SLC16A12: variants seen among roughly 807,000 people sequenced by gnomAD.
SLC16A12 encodes the protein solute carrier family 16 member 12.
A neutral mutation model predicts 42.4 loss-of-function variants in SLC16A12; 17 were observed. That is an observed-to-expected ratio of 0.40 (90% CI 0.27 to 0.60). The LOEUF is 0.60. Ranked by LOEUF, SLC16A12 falls within the 20% of genes least tolerant of loss-of-function variation. SLC16A12 has a pLI of 0.42. For synonymous variants in SLC16A12, 224 were observed against 229.4 expected (o/e 0.98, Z 0.21); for missense variants, 544 against 623.0 (o/e 0.87, Z 1.35).
chr10:89,471,000 AC>A (rs1842485672), intron 2 of SLC16A12, among the ~76,000 whole-genome samples: 2 of 152,176 alleles, frequency 1.3e-5, no homozygotes, highest in South Asian at 2.1e-4. Flanking sequence ...GAGAGAAACA[AC>A]CCTAATAATC....
chr10:89,521,212 A>T (rs1295311808), intron 2 of SLC16A12, among the ~76,000 whole-genome samples: 1 of 152,170 alleles, frequency 6.6e-6, no homozygotes, highest in African/African-American at 2.4e-5. Context: ...TCTGTCATAG[A>T]CATTGTAGCT....
In SLC16A12 at chr10:89,430,609, T is replaced by C. The variant is rs1039334073; in HGVS notation, c.*2455A>G. 2.6e-5 allele frequency: 12 copies of C among 460,318 alleles called. No individual in the cohort carries two copies. The highest frequency in any genetic ancestry group is 1.8e-4 in the African/African-American group (9 of 49,426). 28.5% of individuals were successfully genotyped at this position (460,318 alleles called of 1,614,324 possible). A position where few individuals can be genotyped will look rare whatever the true frequency, so the allele number is the denominator to read the frequency against. On this transcript the variant is annotated 3_prime_UTR_variant, in exon 8 of 8. Coordinates refer to ENST00000371790, the MANE Select transcript of SLC16A12 (RefSeq NM_213606.4). ...GACACATGGAACATTAACACTAAAA[T>C]TCTGTGTAGAAATGTAAAATAGTAG... is the stretch of plus-strand genomic sequence containing the variant.
chr10:89,438,957 C>G lies in SLC16A12; in HGVS notation c.675G>C (p.Arg225Ser), dbSNP rs1356731765. ...TGTGGTCCTCTTTAAGAGTAATTGG[C>G]CTCATCAAGGCACCACATACACAGA... ...LNLCVCGALM[R>S]PITLKEDHTT... The change falls in exon 6 of 8, where the codon AGG becomes AGC. Residue 225 changes from arginine to serine, a missense_variant. Physicochemically the swap from Arg to Ser is moderately radical, Grantham distance 110. Transcript: ENST00000371790. The G allele has an allele frequency of 6.2e-7, 1 of 1,614,136 alleles. No homozygotes were observed. Among genetic ancestry groups the G allele is most frequent in the Non-Finnish European group, 8.5e-7 (1 of 1,180,016 alleles).
chr10:89,477,109 G>A (rs1048529755), intron 2 of SLC16A12, among the ~76,000 whole-genome samples: 4 of 152,150 alleles, frequency 2.6e-5, no homozygotes, highest in African/African-American at 9.7e-5. Context: ...TTCAAGATAC[G>A]GATGGTCGTT....
At chr10:89,442,000 T>C (rs1010548956) in intron 4 of SLC16A12, among the ~76,000 whole-genome samples, 1 of 152,162 alleles carries the variant, frequency 6.6e-6, no homozygotes, top group African/African-American at 2.4e-5. Context: ...ACGCCCTTAC[T>C]CTTTGGGTCT....
chr10:89,434,143 T>TAAC (rs1297544254), intron 7 of SLC16A12, among the ~76,000 whole-genome samples: 1 of 152,240 alleles, frequency 6.6e-6, no homozygotes, highest in African/African-American at 2.4e-5. Flanking sequence ...GAAGTTGTTA[T>TAAC]AAGCCCCACA....
intron 3 of SLC16A12, among the ~76,000 whole-genome samples, chr10:89,449,743 C>G: frequency 6.6e-6 from 1 of 152,098 alleles, no homozygotes; most frequent in Non-Finnish European, 1.5e-5. Context: ...GCAACAAAAG[C>G]CAAAATTGAC....
intron 2 of SLC16A12, among the ~76,000 whole-genome samples, chr10:89,543,163 A>C (rs1231969455): frequency 6.6e-6 from 1 of 152,274 alleles, no homozygotes; most frequent in Non-Finnish European, 1.5e-5. Flanking sequence ...GTTATATGAT[A>C]AAGCAAATTT....
rs537600157 is a variant in SLC16A12, at chr10:89,433,495, C to A, written c.1289-169G>T. On this transcript the variant is annotated intron_variant, in intron 7 of 7. Transcript: ENST00000371790. ...AATATTGTGCAGCAACTGAAAAATA[C>A]ATTCTGTTTTCCAGGAAAACTTCTA... Among the ~76,000 whole-genome samples, 5 of 152,272 alleles carry A rather than the reference C, an allele frequency of 3.3e-5. No homozygotes were observed. In the East Asian group the frequency reaches 9.6e-4, roughly 29 times the overall value.
At chr10:89,450,628 G>A (rs1483947193) in intron 3 of SLC16A12, among the ~76,000 whole-genome samples, 1 of 152,098 alleles carries the variant, frequency 6.6e-6, no homozygotes, top group Non-Finnish European at 1.5e-5. Context: ...GATGGGGGAG[G>A]GACAGCATTA....
At position 89,462,471 on chromosome 10, in the gene SLC16A12, T is replaced by A. The variant is rs149516753; in HGVS notation, c.108A>T (p.Arg36Ser). 8 of 1,613,924 alleles carry A rather than the reference T, an allele frequency of 5.0e-6. No homozygotes were observed. Among genetic ancestry groups the A allele is most frequent in the Non-Finnish European group, 6.8e-6 (8 of 1,179,970 alleles). The change falls in exon 3 of 8, where the codon AGA (arginine) becomes AGT (serine). Residue 36 changes from arginine to serine, a missense_variant. Physicochemically the swap from Arg to Ser is moderately radical, Grantham distance 110. Transcript: ENST00000371790. ...CATCTGGAGGGGAGGTAGACCGAGC[T>A]CTATTTACTTTTGCCATGGTTTTTC... ...EKRKTMAKVNRARSTSPPDGG... is the reference protein window; with the variant it reads ...EKRKTMAKVNSARSTSPPDGG...
chr10:89,527,988 C>A (rs905559960), intron 2 of SLC16A12, among the ~76,000 whole-genome samples: 1 of 152,048 alleles, frequency 6.6e-6, no homozygotes, highest in African/African-American at 2.4e-5. Context: ...TCACATAGGG[C>A]AAGGTTTAAA....
chr10:89,531,462 C>T (rs978513353), intron 2 of SLC16A12, among the ~76,000 whole-genome samples: 4 of 152,000 alleles, frequency 2.6e-5, no homozygotes, highest in Non-Finnish European at 5.9e-5. Flanking sequence ...AACCAAACAC[C>T]GCTGTAAGCA....
chr10:89,522,253 A>T (rs1564598445), intron 2 of SLC16A12, among the ~76,000 whole-genome samples: 1 of 152,144 alleles, frequency 6.6e-6, no homozygotes, highest in Non-Finnish European at 1.5e-5. Context: ...TCCTCCAAAC[A>T]TCTCCAACAC....
At chr10:89,484,918 G>A (rs1359766379) in intron 2 of SLC16A12, among the ~76,000 whole-genome samples, 1 of 152,112 alleles carries the variant, frequency 6.6e-6, no homozygotes. Context: ...TGGCCCTGCC[G>A]ATTGTACCAG....
In SLC16A12 at chr10:89,462,632, C is replaced by A; in HGVS notation, c.-46-8G>T. On this transcript the variant is annotated splice_region_variant and splice_polypyrimidine_tract_variant and intron_variant, in intron 2 of 7. Coordinates refer to ENST00000371790, the MANE Select transcript of SLC16A12 (RefSeq NM_213606.4). ...CCATGGGTTACTCGCCATCTAAAACCAAAAATCAGGACATATTTATATCTT... is the reference window on the plus strand; with the variant it reads ...CCATGGGTTACTCGCCATCTAAAACAAAAAATCAGGACATATTTATATCTT... 3 of 1,531,354 alleles carry A rather than the reference C, an allele frequency of 2.0e-6. No homozygotes were observed. The highest frequency in any genetic ancestry group is 2.1e-5 in the Admixed American group (1 of 48,220). The allele number at this position is 1,531,354 out of a possible 1,614,324, so 94.9% of individuals were successfully genotyped here.
chr10:89,457,826 T>C (rs1842221853), intron 3 of SLC16A12, among the ~76,000 whole-genome samples: 1 of 152,226 alleles, frequency 6.6e-6, no homozygotes, highest in African/African-American at 2.4e-5. Context: ...ATATTCAGAC[T>C]GTAATGCTAT....
chr10:89,436,756 C>G (rs1358797539), intron 6 of SLC16A12, among the ~76,000 whole-genome samples: 1 of 134,752 alleles, frequency 7.4e-6, no homozygotes, highest in Non-Finnish European at 1.6e-5. Context: ...ATAAAATAAA[C>G]TAACACTAAT....
intron 2 of SLC16A12, among the ~76,000 whole-genome samples, chr10:89,551,536 G>A (rs892343535): frequency 2.6e-5 from 4 of 152,196 alleles, no homozygotes; most frequent in African/African-American, 9.6e-5. Flanking sequence ...CCATAAAGCT[G>A]ATATAGTTTG....
Sources: gnomAD v4.1 joint callset for allele counts (sites outside exome capture counted in the v4.1 genomes callset) on GRCh38, gnomAD v4.1.1 for gene constraint, MANE v1.5 for transcripts, NCBI Gene and HGNC (gene_info 2026-07-23, HGNC 2026-07-21) for gene names.